DOCK4: variants seen among roughly 807,000 people sequenced by gnomAD.
The protein encoded by DOCK4 is dedicator of cytokinesis protein 4.
Under a neutral mutation model 268.1 loss-of-function variants are expected in DOCK4, and 97 were observed. The observed-to-expected ratio is 0.36, with a 90% CI of 0.31 to 0.43. DOCK4 has a LOEUF of 0.43. Among genes scored for constraint, DOCK4 ranks in the 20% least tolerant of loss-of-function variants. The pLI is 1.00. For missense variants in DOCK4, 2,145 were observed against 2,455.7 expected (o/e 0.87, Z 2.67); for synonymous variants, 954 against 887.2 (o/e 1.08, Z -1.34).
chr7:111,973,612 C>A (rs1586542827), intron 8 of DOCK4, among the ~76,000 whole-genome samples: 1 of 150,964 alleles, frequency 6.6e-6, no homozygotes, highest in East Asian at 1.9e-4. Flanking sequence ...AATCCAATGG[C>A]AAATGAATAT....
At chr7:112,011,996 T>C (rs575767841) in intron 1 of DOCK4, among the ~76,000 whole-genome samples, 1 of 151,772 alleles carries the variant, frequency 6.6e-6, no homozygotes, top group South Asian at 2.1e-4. Flanking sequence ...CATGTGGTCC[T>C]TGGTCCTTTC....
intron 36 of DOCK4, among the ~76,000 whole-genome samples, chr7:111,776,079 T>C (rs1376831857): frequency 6.6e-6 from 1 of 152,204 alleles, no homozygotes. Flanking sequence ...AAAATTAATG[T>C]CTTCCTAAAG....
At chr7:111,979,361 G>A (rs1222913344) in intron 7 of DOCK4, among the ~76,000 whole-genome samples, 4 of 152,142 alleles carry the variant, frequency 2.6e-5, no homozygotes, top group Non-Finnish European at 4.4e-5. Flanking sequence ...AAGCATTGAG[G>A]CATGTGTGGG....
intron 6 of DOCK4, among the ~76,000 whole-genome samples, chr7:111,986,723 A>G (rs1312990881): frequency 6.6e-6 from 1 of 152,202 alleles, no homozygotes; most frequent in African/African-American, 2.4e-5. Context: ...AGAAACATGT[A>G]CCATTATTTT....
At chr7:111,994,256 A>G (rs1365507042) in intron 4 of DOCK4, 25 bp from the exon 5 acceptor site, 4 of 1,429,080 alleles carry the variant, frequency 2.8e-6, no homozygotes, top group African/African-American at 2.9e-5. Flanking sequence ...AAGAAAAAGT[A>G]TATATGTAAA....
chr7:112,147,939 A>G (rs1014722818), intron 1 of DOCK4, among the ~76,000 whole-genome samples: 4 of 150,504 alleles, frequency 2.7e-5, no homozygotes, highest in African/African-American at 9.8e-5. Context: ...CACAGCCTCC[A>G]CCAGCTCTCC....
intron 1 of DOCK4, among the ~76,000 whole-genome samples, chr7:112,055,116 C>T (rs1317351806): frequency 6.6e-6 from 1 of 152,150 alleles, no homozygotes; most frequent in Non-Finnish European, 1.5e-5. Flanking sequence ...ACCAATTTTA[C>T]CAAAGACTAA....
Position 111,869,662 on chromosome 7 carries a change from T to C in DOCK4, c.2028-7A>G, listed in dbSNP as rs752795428. 3 of 1,612,168 alleles carry C rather than the reference T, an allele frequency of 1.9e-6. No individual in the cohort carries two copies. The highest frequency in any genetic ancestry group is 2.5e-6 in the Non-Finnish European group (3 of 1,178,514). On this transcript the variant is annotated splice_region_variant and splice_polypyrimidine_tract_variant and intron_variant, in intron 20 of 52. Coordinates refer to ENST00000428084, the MANE Select transcript of DOCK4 (RefSeq NM_001363540.2). ...GAGCACTTTGATGAGATCTCTAAAA[T>C]ACAGGGGAAAATGTGCAGAATGTAA...
intron 22 of DOCK4, among the ~76,000 whole-genome samples, chr7:111,864,639 C>G (rs1044429395): frequency 6.6e-6 from 1 of 152,092 alleles, no homozygotes; most frequent in African/African-American, 2.4e-5. Context: ...TTGATGCCAG[C>G]GCCATCAAAA....
At chr7:111,795,931 CCA>C (rs1799863525) in intron 30 of DOCK4, among the ~76,000 whole-genome samples, 1 of 152,194 alleles carries the variant, frequency 6.6e-6, no homozygotes, top group Non-Finnish European at 1.5e-5. Context: ...AACTTCTCAA[CCA>C]CAGTCTGTGA....
chr7:112,051,119 C>T (rs1223505577), intron 1 of DOCK4, among the ~76,000 whole-genome samples: 1 of 151,848 alleles, frequency 6.6e-6, no homozygotes, highest in African/African-American at 2.4e-5. Context: ...TGTGCTTACA[C>T]CTAGAACAAA....
intron 1 of DOCK4, among the ~76,000 whole-genome samples, chr7:112,080,479 T>C (rs1808482147): frequency 6.6e-6 from 1 of 152,254 alleles, no homozygotes; most frequent in Admixed American, 6.5e-5. Flanking sequence ...AGAGAAATGT[T>C]ACATATCTGC....
At chr7:112,005,072 C>G (rs943003812) in intron 1 of DOCK4, among the ~76,000 whole-genome samples, 3 of 152,068 alleles carry the variant, frequency 2.0e-5, no homozygotes, top group African/African-American at 7.2e-5. Flanking sequence ...AAGAAGACAG[C>G]TCCTATGAAA....
chr7:111,780,056 A>C (rs1254815737), intron 35 of DOCK4, among the ~76,000 whole-genome samples: 1 of 152,170 alleles, frequency 6.6e-6, no homozygotes, highest in African/African-American at 2.4e-5. Context: ...AATTCTAAAA[A>C]CTTTTTAAAG....
intron 1 of DOCK4, among the ~76,000 whole-genome samples, chr7:112,176,877 A>G (rs543934948): frequency 6.6e-6 from 1 of 152,348 alleles, no homozygotes; most frequent in South Asian, 2.1e-4. Context: ...GTTTTTAATG[A>G]CATCATTGCA....
At chr7:111,952,054 C>T (rs1796093849) in intron 8 of DOCK4, among the ~76,000 whole-genome samples, 2 of 145,478 alleles carry the variant, frequency 1.4e-5, no homozygotes, top group South Asian at 2.2e-4. Flanking sequence ...GCCTAGAGGT[C>T]AAGTTCAGTC....
At chr7:112,045,484 T>A (rs1804750544) in intron 1 of DOCK4, among the ~76,000 whole-genome samples, 1 of 152,206 alleles carries the variant, frequency 6.6e-6, no homozygotes, top group African/African-American at 2.4e-5. Context: ...CCACAGCCTG[T>A]ATTAATATCT....
intron 50 of DOCK4, among the ~76,000 whole-genome samples, 193 bp from the exon 51 acceptor site, chr7:111,735,360 C>CCATT (rs1349477543): frequency 5.9e-5 from 9 of 152,240 alleles, no homozygotes; most frequent in Non-Finnish European, 1.3e-4. Context: ...TAACTGGGCG[C>CCATT]TAACAAGTCT....
At chr7:112,132,867 A>T (rs554284531) in intron 1 of DOCK4, among the ~76,000 whole-genome samples, 10 of 152,296 alleles carry the variant, frequency 6.6e-5, no homozygotes, top group African/African-American at 2.4e-4. Context: ...TGCAGGATTC[A>T]TTAAGCAAGG....
Sources: gnomAD v4.1 joint callset for allele counts (sites outside exome capture counted in the v4.1 genomes callset) on GRCh38, gnomAD v4.1.1 for gene constraint, MANE v1.5 for transcripts, NCBI Gene and HGNC (gene_info 2026-07-23, HGNC 2026-07-21) for gene names.